Variants in FAM219A observed in about 807,000 individuals in gnomAD.
The protein encoded by FAM219A is family with sequence similarity 219 member A.
FAM219A carries 7 observed loss-of-function variants against 23.4 expected under a neutral mutation model. The observed-to-expected ratio is 0.30, with a 90% CI of 0.17 to 0.56. FAM219A has a LOEUF of 0.56. Among genes scored for constraint, FAM219A ranks in the 20% least tolerant of loss-of-function variants. The pLI is 0.92. For missense variants in FAM219A, 166 were observed against 246.9 expected (o/e 0.67, Z 2.20); for synonymous variants, 93 against 99.0 (o/e 0.94, Z 0.36).
At position 34,420,302 on chromosome 9, in the gene FAM219A, G is replaced by A. The variant is rs1822217369; in HGVS notation, c.61-14338C>T. On this transcript the variant is annotated intron_variant, in intron 1 of 5. Coordinates refer to ENST00000651358, the MANE Select transcript of FAM219A (RefSeq NM_001184940.2). Reference sequence around the variant, plus strand: ...ATGCATGGAGGGTGGTAGGAGCACAGAGGAGAGCGATAATGGTAGCGATAT... The same window carrying A: ...ATGCATGGAGGGTGGTAGGAGCACAAAGGAGAGCGATAATGGTAGCGATAT... Among the ~76,000 whole-genome samples, 3 of 152,236 alleles carry A rather than the reference G, an allele frequency of 2.0e-5. No individual in the cohort carries two copies. In the South Asian group the frequency reaches 6.2e-4, roughly 31 times the overall value.
intron 1 of FAM219A, among the ~76,000 whole-genome samples, chr9:34,436,759 A>C (rs763316978): frequency 6.7e-6 from 1 of 148,252 alleles, no homozygotes; most frequent in Non-Finnish European, 1.5e-5. Flanking sequence ...AAAGACCTAG[A>C]TTAGTTCTCA....
chr9:34,404,063 G>C (rs558613491), intron 2 of FAM219A, among the ~76,000 whole-genome samples: 17 of 152,280 alleles, frequency 1.1e-4, no homozygotes, highest in African/African-American at 4.1e-4. Context: ...AGCTTTGATG[G>C]TAATGTAATG....
chr9:34,427,675 T>A (rs1822536561), intron 1 of FAM219A, among the ~76,000 whole-genome samples: 1 of 152,204 alleles, frequency 6.6e-6, no homozygotes, highest in African/African-American at 2.4e-5. Flanking sequence ...AGCAAGGATC[T>A]TTCTATAACA....
Position 34,457,688 on chromosome 9 carries a change from C to G in FAM219A, c.60+516G>C, listed in dbSNP as rs1051349028. 2.6e-5 allele frequency among the ~76,000 whole-genome samples: 4 copies of G among 152,158 alleles called. No homozygotes were observed. The highest frequency in any genetic ancestry group is 4.4e-5 in the Non-Finnish European group (3 of 68,028). ...AGGTTCTGCACCAACCACCTTCCCC[C>G]ACTGGGTCCCTCGCCCCGGCCCAGC... On this transcript the variant is annotated intron_variant, in intron 1 of 5. Coordinates refer to ENST00000651358, the MANE Select transcript of FAM219A (RefSeq NM_001184940.2). The surrounding 1 kb of genome is among the most constrained non-coding windows in gnomAD (Gnocchi z 5.1).
intron 1 of FAM219A, among the ~76,000 whole-genome samples, chr9:34,422,391 T>A (rs547268656): frequency 3.9e-5 from 6 of 152,194 alleles, no homozygotes; most frequent in Admixed American, 6.5e-5. Flanking sequence ...GGTAGGCAAT[T>A]TGAATCTAAT....
intron 1 of FAM219A, among the ~76,000 whole-genome samples, chr9:34,430,847 A>G (rs1822669798): frequency 1.3e-5 from 1 of 79,868 alleles, no homozygotes; most frequent in Non-Finnish European, 2.4e-5. Flanking sequence ...GTCTCCAAAT[A>G]ACAACAACAA....
At chr9:34,436,255 G>GT (rs991827341) in intron 1 of FAM219A, among the ~76,000 whole-genome samples, 57 of 150,566 alleles carry the variant, frequency 3.8e-4, no homozygotes, top group African/African-American at 1.4e-3. Context: ...ATTTTTTTGG[G>GT]TTTTTTTTGA....
At chr9:34,450,346 C>A (rs945401287) in intron 1 of FAM219A, among the ~76,000 whole-genome samples, 2 of 151,062 alleles carry the variant, frequency 1.3e-5, no homozygotes, top group Non-Finnish European at 2.9e-5. Context: ...ATAATTTATA[C>A]CTTGTACATA....
intron 1 of FAM219A, among the ~76,000 whole-genome samples, chr9:34,414,438 G>A (rs936823600): frequency 6.6e-6 from 1 of 152,150 alleles, no homozygotes; most frequent in African/African-American, 2.4e-5. Context: ...AGATCCTTAG[G>A]GGATAGGTGC....
Position 34,445,908 on chromosome 9 carries a change from C to A in FAM219A, c.60+12296G>T, listed in dbSNP as rs565849774. 2.0e-5 allele frequency among the ~76,000 whole-genome samples: 3 copies of A among 152,320 alleles called. No homozygotes were observed. The South Asian group carries it at 6.2e-4, about 32-fold the overall frequency. ...ATTAAAGATAGGCTGGGTGCAGTGG[C>A]TCATGCCTGTAATCCCAGCACTTTG... is the stretch of plus-strand genomic sequence containing the variant. On this transcript the variant is annotated intron_variant, in intron 1 of 5. Transcript: ENST00000651358.
intron 2 of FAM219A, 50 bp downstream of exon 2, chr9:34,405,815 G>T (rs750461956): frequency 1.9e-6 from 3 of 1,562,976 alleles, no homozygotes; most frequent in Non-Finnish European, 2.6e-6. Flanking sequence ...ACCCAGCCCA[G>T]AGTATCTTGC....
intron 1 of FAM219A, among the ~76,000 whole-genome samples, chr9:34,439,942 A>T (rs1823104088): frequency 6.6e-6 from 1 of 152,188 alleles, no homozygotes; most frequent in Non-Finnish European, 1.5e-5. Context: ...TCATGTGGAT[A>T]AAAGGGATAG....
intron 1 of FAM219A, among the ~76,000 whole-genome samples, chr9:34,456,157 C>T (rs1328126646): frequency 6.6e-6 from 1 of 152,074 alleles, no homozygotes; most frequent in African/African-American, 2.4e-5. Context: ...CGTGCCACTG[C>T]ACTCTAGCCT....
intron 1 of FAM219A, among the ~76,000 whole-genome samples, chr9:34,427,700 A>T (rs1037462484): frequency 3.9e-5 from 6 of 152,004 alleles, no homozygotes; most frequent in African/African-American, 2.4e-5. Context: ...GGTGGCAAAC[A>T]CTCCTGACCT....
At chr9:34,446,693 C>T (rs1357495990) in intron 1 of FAM219A, among the ~76,000 whole-genome samples, 2 of 152,244 alleles carry the variant, frequency 1.3e-5, no homozygotes, top group Non-Finnish European at 2.9e-5. Context: ...TAATCCCAGT[C>T]CTTTAGGTAT....
intron 1 of FAM219A, among the ~76,000 whole-genome samples, chr9:34,424,497 G>A (rs1822387174): frequency 1.3e-5 from 2 of 151,080 alleles, no homozygotes; most frequent in Non-Finnish European, 3.0e-5. Flanking sequence ...GGCCAAACTA[G>A]AGGCAATAGT....
At chr9:34,439,201 G>A (rs762369955) in intron 1 of FAM219A, among the ~76,000 whole-genome samples, 24 of 152,212 alleles carry the variant, frequency 1.6e-4, no homozygotes, top group Non-Finnish European at 2.1e-4. Flanking sequence ...AACACTCACC[G>A]CGAGGGTCCG....
chr9:34,415,228 T>C (rs1341258600), intron 1 of FAM219A, among the ~76,000 whole-genome samples: 1 of 152,168 alleles, frequency 6.6e-6, no homozygotes, highest in Non-Finnish European at 1.5e-5. Flanking sequence ...TTTTGGGGTA[T>C]GGTCAAGTTC....
chr9:34,425,744 T>A (rs1822440933), intron 1 of FAM219A, among the ~76,000 whole-genome samples: 1 of 152,098 alleles, frequency 6.6e-6, no homozygotes, highest in Non-Finnish European at 1.5e-5. Context: ...GCAGCCTCAA[T>A]GAGGTTAGAC....
Sources: allele counts gnomAD v4.1 joint callset (sites outside exome capture counted in the v4.1 genomes callset), GRCh38; gene constraint gnomAD v4.1.1; non-coding constraint Gnocchi (gnomAD v3.1); transcripts MANE v1.5; gene names NCBI Gene and HGNC (gene_info 2026-07-23, HGNC 2026-07-21).